NPHP4: variants seen among roughly 807,000 people sequenced by gnomAD.
The protein encoded by NPHP4 is nephrocystin 4.
Under a neutral mutation model 155.8 loss-of-function variants are expected in NPHP4, and 151 were observed. The ratio of observed to expected loss-of-function variants is 0.97; its 90% CI spans 0.85 to 1.11. NPHP4 has a LOEUF of 1.11. Ranked by LOEUF, NPHP4 falls within the 50% of genes least tolerant of loss-of-function variation. The pLI is 0.00. For missense variants in NPHP4, 1,956 were observed against 1,925.7 expected (o/e 1.02, Z -0.29); for synonymous variants, 845 against 816.8 (o/e 1.03, Z -0.59).
At chr1:5,919,880 C>T (rs1557736847) in intron 11 of NPHP4, among the ~76,000 whole-genome samples, 1 of 152,048 alleles carries the variant, frequency 6.6e-6, no homozygotes, top group African/African-American at 2.4e-5. Flanking sequence ...GCTGAGACTA[C>T]AGGCACATGC....
rs375493384 is a variant in NPHP4, at chr1:5,874,966, C to G, written c.2952G>C (p.Thr984=). 6.2e-7 allele frequency: 1 copy of G among 1,613,274 alleles called. No individual in the cohort carries two copies. Among genetic ancestry groups the G allele is most frequent in the East Asian group, 2.2e-5 (1 of 44,870 alleles). ...AITTEHTLHA[T]LGVAEFFEFV... ...ACTCAAAGAACTCGGCGACCCCCAG[C>G]GTGGCGTGGAGCGTGTGCTCCGTGG... The change falls in exon 21 of 30, where the codon ACG becomes ACC. Residue 984 remains threonine, a synonymous_variant. Transcript: ENST00000378156.
At chr1:5,981,097 G>A (rs571070135) in intron 2 of NPHP4, among the ~76,000 whole-genome samples, 1 of 152,242 alleles carries the variant, frequency 6.6e-6, no homozygotes, top group Admixed American at 6.5e-5. Flanking sequence ...TGGGGCCTAG[G>A]CAAAGCTTCT....
rs1481418916 is a variant in NPHP4 at position 5,874,615 on chromosome 1, A to G, written c.3087T>C (p.Ala1029=). The G allele has an allele frequency of 1.2e-6, 2 of 1,612,100 alleles. No homozygotes were observed. The highest frequency in any genetic ancestry group is 2.2e-5 in the East Asian group (1 of 44,872). The stretch of plus-strand genomic sequence containing the variant: ...CCTCCACCGGTGTGTGCAGGCCAGC[A>G]GCACCCTTGAAGTCCCTCCACTCCT... ...DSQEWRDFKG[A]AGLHTPVEED... Residue 1029 remains alanine, a synonymous_variant, in exon 22 of 30, where the codon GCT becomes GCC. Transcript: ENST00000378156.
chr1:5,943,636 C>A (rs1646938178), intron 9 of NPHP4, among the ~76,000 whole-genome samples: 1 of 152,222 alleles, frequency 6.6e-6, no homozygotes, highest in African/African-American at 2.4e-5. Context: ...GAACAACAGA[C>A]AGGCCGCCCA....
chr1:5,927,638 G>C lies in NPHP4; in HGVS notation c.1441+11C>G, dbSNP rs930933356. On this transcript the variant is annotated intron_variant, in intron 11 of 29. Coordinates refer to ENST00000378156, the MANE Select transcript of NPHP4 (RefSeq NM_015102.5). The stretch of plus-strand genomic sequence containing the variant: ...ATGTGCCTGGCCAGTCAGCTCTCTG[G>C]AAACACTTACTCGAAGGGGACGTGG... 6.3e-7 allele frequency: 1 copy of C among 1,596,750 alleles called. No homozygotes were observed. Among genetic ancestry groups the C allele is most frequent in the Non-Finnish European group, 8.6e-7 (1 of 1,166,110 alleles).
At chr1:5,941,289 C>CAA (rs66676950) in intron 9 of NPHP4, among the ~76,000 whole-genome samples, 1,420 of 44,782 alleles carry the variant, frequency 0.032, 81 homozygotes, top group African/African-American at 0.064. Context: ...GAGATCTAGA[C>CAA]AAAAAAAAAA....
At position 5,964,941 on chromosome 1, in the gene NPHP4, A is replaced by ATATAT; in HGVS notation, c.517+2357_517+2358insATATA. Among the ~76,000 whole-genome samples, 16 of 59,418 alleles carry ATATAT rather than the reference A, an allele frequency of 2.7e-4. No homozygotes were observed. The Admixed American group carries it at 3.3e-3, about 12-fold the overall frequency. 39.0% of individuals were successfully genotyped at this position (59,418 alleles called of 152,430 possible). A position where few individuals can be genotyped will look rare whatever the true frequency, so the allele number is the denominator to read the frequency against. On this transcript the variant is annotated intron_variant, in intron 5 of 29. Coordinates refer to ENST00000378156, the MANE Select transcript of NPHP4 (RefSeq NM_015102.5). ...ATTATATATATATATATATATATAT[A>ATATAT]TTTTTTTTTTTTGAGGCAGGGTCTC...
intron 11 of NPHP4, among the ~76,000 whole-genome samples, chr1:5,921,916 G>A (rs979945052): frequency 1.1e-4 from 16 of 152,226 alleles, no homozygotes; most frequent in African/African-American, 2.2e-4. Context: ...GGTAAGCGGA[G>A]TAACTGCTGC....
At chr1:5,881,086 C>G (rs572622749) in intron 18 of NPHP4, 1 of 152,454 alleles carries the variant, frequency 6.6e-6, no homozygotes, top group East Asian at 1.9e-4. Context: ...GGCTTCCTGC[C>G]TCTCTGCATC....
At chr1:5,873,128 C>T (rs538965086) in intron 23 of NPHP4, 124 bp downstream of exon 23, 61 of 831,570 alleles carry the variant, frequency 7.3e-5, no homozygotes, top group Non-Finnish European at 1.1e-4. Flanking sequence ...CCCAGGCCCA[C>T]GCCACCCCTG....
At position 5,875,388 on chromosome 1, in the gene NPHP4, G is replaced by A. The variant is rs1006206794; in HGVS notation, c.2818-288C>T. On this transcript the variant is annotated intron_variant, in intron 20 of 29. Coordinates refer to ENST00000378156, the MANE Select transcript of NPHP4 (RefSeq NM_015102.5). ...GAGACTCTTCACAGACACGAGTCTG[G>A]CCCCCCGCACGGTGGAGAATCAGAA... Among the ~76,000 whole-genome samples the A allele has an allele frequency of 2.6e-5, 4 of 152,186 alleles. No homozygotes were observed. In the South Asian group the frequency reaches 6.2e-4, roughly 24 times the overall value.
chr1:5,885,020 G>A (rs2105139), intron 18 of NPHP4, among the ~76,000 whole-genome samples: 10 of 71,038 alleles, frequency 1.4e-4, no homozygotes, highest in South Asian at 1.1e-3. Flanking sequence ...CCCATCCTAC[G>A]CCGCAACCAA....
intron 1 of NPHP4, among the ~76,000 whole-genome samples, chr1:5,988,160 C>G (rs1269797938): frequency 6.6e-6 from 1 of 152,242 alleles, no homozygotes; most frequent in Non-Finnish European, 1.5e-5. Context: ...AGTTTAATGT[C>G]AGAGCACGAA....
chr1:5,895,678 T>A (rs1368017064), intron 16 of NPHP4, among the ~76,000 whole-genome samples: 1 of 152,214 alleles, frequency 6.6e-6, no homozygotes, highest in Admixed American at 6.5e-5. Context: ...TGTGGGGCAG[T>A]GTCTGTCAAC....
At chr1:5,863,446 T>C (rs370546826) in intron 29 of NPHP4, 41 bp from the exon 30 acceptor site, 2 of 1,604,298 alleles carry the variant, frequency 1.2e-6, no homozygotes, top group African/African-American at 2.7e-5. Flanking sequence ...ACCCCCGGGC[T>C]GTCCCACGCT....
In NPHP4 at chr1:5,905,323, C is replaced by T. The variant is rs768739130; in HGVS notation, c.1924G>A (p.Glu642Lys). The T allele has an allele frequency of 3.1e-6, 5 of 1,613,676 alleles. No homozygotes were observed. The highest frequency in any genetic ancestry group is 1.7e-5 in the Admixed American group (1 of 60,002). ...KEESDCLQSN[E>K]MVLQFLAFSR... The stretch of plus-strand genomic sequence containing the variant: ...AAGGCAAGAAACTGTAGCACCATCT[C>T]GTTGCTTTGTAGACAATCTGATTCT... Residue 642 changes from glutamate to lysine, a missense_variant, in exon 15 of 30, where the codon GAG becomes AAG. Coordinates refer to ENST00000378156, the MANE Select transcript of NPHP4 (RefSeq NM_015102.5). The surrounding 1 kb of genome is among the most constrained non-coding windows in gnomAD (Gnocchi z 4.0).
rs762938766 is a variant in NPHP4 at position 5,880,202 on chromosome 1, T to C, written c.2523A>G (p.Thr841=). 2.5e-6 allele frequency: 4 copies of C among 1,613,614 alleles called. No homozygotes were observed. Among genetic ancestry groups the C allele is most frequent in the Non-Finnish European group, 3.4e-6 (4 of 1,179,778 alleles). ...TGACCCGAGATCTGGACGGTGGCAA[T>C]GTGCTACAACCTCTCACTTTCTGTT... ...PCEQKVRGCS[T]LPPSRSRVIS... is the part of the protein sequence containing the mutation. The change falls in exon 19 of 30, where the codon ACA becomes ACG. Residue 841 remains threonine (T), a synonymous_variant. Transcript: ENST00000378156.
At position 5,887,325 on chromosome 1, in the gene NPHP4, C is replaced by T. The variant is rs1643875600; in HGVS notation, c.2446G>A (p.Val816Met). The T allele has an allele frequency of 1.2e-6, 2 of 1,613,616 alleles. No individual in the cohort carries two copies. Among genetic ancestry groups the T allele is most frequent in the Non-Finnish European group, 1.7e-6 (2 of 1,179,880 alleles). Residue 816 changes from valine to methionine, a missense_variant, in exon 18 of 30, where the codon GTG (valine) becomes ATG (methionine). By Grantham distance (21) the Val-to-Met change is conservative. Transcript: ENST00000378156. ...GTCAGGTGCAGCCGGCCCTTCACCA[C>T]CGAGTGGACGCCGATGGGCTTGACG... ...GRVKPIGVHS[V>M]VKGRLHLTLA... is the part of the protein sequence containing the mutation.
intron 6 of NPHP4, 142 bp from the exon 7 acceptor site, chr1:5,952,978 C>G (rs1648474552): frequency 1.5e-6 from 1 of 676,954 alleles, no homozygotes; most frequent in Admixed American, 3.3e-5. Flanking sequence ...GAGCACAAGG[C>G]CCAAGCCAAG....
Sources: gnomAD v4.1 joint callset for allele counts (sites outside exome capture counted in the v4.1 genomes callset) on GRCh38, gnomAD v4.1.1 for gene constraint, Gnocchi (gnomAD v3.1) non-coding constraint, MANE v1.5 for transcripts, NCBI Gene and HGNC (gene_info 2026-07-23, HGNC 2026-07-21) for gene names.